LHX4: variants seen among roughly 807,000 people sequenced by gnomAD.
The protein encoded by LHX4 is LIM/homeobox protein Lhx4.
Under a neutral mutation model 39.2 loss-of-function variants are expected in LHX4, and 16 were observed. The ratio of observed to expected loss-of-function variants is 0.41; its 90% CI spans 0.28 to 0.62. The LOEUF is 0.62. Ranked by LOEUF, LHX4 falls within the 20% of genes least tolerant of loss-of-function variation. The pLI, the probability that LHX4 is intolerant of heterozygous loss-of-function variation, is 0.33. For missense variants in LHX4, 439 were observed against 511.9 expected, an observed-to-expected ratio of 0.86 and a Z score of 1.37; for synonymous variants, 206 against 198.1, an observed-to-expected ratio of 1.04 and a Z score of -0.33.
chr1:180,268,451 G>C (rs1648428023), intron 3 of LHX4, among the ~76,000 whole-genome samples: 1 of 152,242 alleles, frequency 6.6e-6, no homozygotes, highest in African/African-American at 2.4e-5. Context: ...TTGCACCACA[G>C]CAGACCTCTG....
In LHX4 at chr1:180,234,220, T is replaced by TATAG; in HGVS notation, c.76+3616_76+3617insTAGA. 1.4e-5 allele frequency among the ~76,000 whole-genome samples: 1 copy of TATAG among 70,208 alleles called. No homozygotes were observed. Among genetic ancestry groups the TATAG allele is most frequent in the African/African-American group, 7.5e-5 (1 of 13,248 alleles). The allele number at this position is 70,208 out of a possible 152,430, so 46.1% of individuals were successfully genotyped here. On this transcript the variant is annotated intron_variant, in intron 1 of 5. Coordinates refer to ENST00000263726, the MANE Select transcript of LHX4 (RefSeq NM_033343.4). The surrounding 1 kb of genome is among the most constrained non-coding windows in gnomAD (Gnocchi z 4.8). ...ATATATATATATATATATATATATA[T>TATAG]AATAGATTGAGATTCTATCATATTC...
chr1:180,234,782 GTCC>G lies in LHX4; in HGVS notation c.76+4178_76+4180del, dbSNP rs1430223243. ...AAGTTTATTTCCTCTCTTGGCCGAG[GTCC>G]GGGCTCGTGGAAAACCAGAGCTAGG... On this transcript the variant is annotated intron_variant, in intron 1 of 5. Transcript: ENST00000263726. This position sits in a 1 kb window ranked among gnomAD's most constrained non-coding sequence, Gnocchi z 4.8. Among the ~76,000 whole-genome samples, 1 of 152,252 alleles carries G rather than the reference GTCC, an allele frequency of 6.6e-6. No individual in the cohort carries two copies. Among genetic ancestry groups the G allele is most frequent in the Non-Finnish European group, 1.5e-5 (1 of 68,036 alleles).
chr1:180,240,099 C>T (rs1286389550), intron 1 of LHX4, among the ~76,000 whole-genome samples: 1 of 152,218 alleles, frequency 6.6e-6, no homozygotes, highest in South Asian at 2.1e-4. Flanking sequence ...AGTTAAAAAG[C>T]AAAAGCCTCA....
intron 1 of LHX4, among the ~76,000 whole-genome samples, chr1:180,231,901 T>A (rs1664192198): frequency 6.6e-6 from 1 of 152,164 alleles, no homozygotes; most frequent in Non-Finnish European, 1.5e-5. Context: ...GAGAAGGGAC[T>A]AGAAAAGAAT....
chr1:180,229,625 G>C (rs986960842), upstream of LHX4, among the ~76,000 whole-genome samples: 3 of 152,100 alleles, frequency 2.0e-5, no homozygotes, highest in African/African-American at 2.4e-5. Flanking sequence ...GGAAAGAGGA[G>C]GAGGAAGATA....
chr1:180,229,861 G>A (rs905559025), upstream of LHX4, among the ~76,000 whole-genome samples: 7 of 151,434 alleles, frequency 4.6e-5, no homozygotes, highest in African/African-American at 1.2e-4. Flanking sequence ...AACCCAGGGC[G>A]CCGCCGTCTC....
Position 180,267,210 on chromosome 1 carries a change from G to T in LHX4, c.451+616G>T, listed in dbSNP as rs943521648. On this transcript the variant is annotated intron_variant, in intron 3 of 5. Transcript: ENST00000263726. ...CCAGATTCAGGGAGGCTCCGTCTCA[G>T]CAATATAGCTCCCTCCACCCACTTC... is the stretch of plus-strand genomic sequence containing the variant. 5.8e-4 allele frequency among the ~76,000 whole-genome samples: 89 copies of T among 152,316 alleles called. 1 individual carries two copies. The highest frequency in any genetic ancestry group is 2.1e-3 in the African/African-American group (89 of 41,582).
chr1:180,266,412 C>G lies in LHX4; in HGVS notation c.269C>G (p.Thr90Arg), dbSNP rs773975101. ...GACAGGCGCTTCGGCACAAAATGCA[C>G]GGCCTGCCAGCAGGGTATCCCCCCA... Reference protein sequence around the residue: ...DFFKRFGTKCTACQQGIPPTQ... With the variant: ...DFFKRFGTKCRACQQGIPPTQ... The change falls in exon 3 of 6, where the codon ACG becomes AGG. Residue 90 changes from threonine to arginine, a missense_variant. Physicochemically the swap from Thr to Arg is moderately conservative, Grantham distance 71 (BLOSUM62 -1). Transcript: ENST00000263726. The surrounding 1 kb of genome is among the most constrained non-coding windows in gnomAD (Gnocchi z 5.7). 19 of 1,614,028 alleles carry G rather than the reference C, an allele frequency of 1.2e-5. No homozygotes were observed. Among genetic ancestry groups the G allele is most frequent in the Non-Finnish European group, 1.4e-5 (17 of 1,180,004 alleles).
intron 2 of LHX4, among the ~76,000 whole-genome samples, chr1:180,262,423 C>T (rs913595511): frequency 5.9e-5 from 9 of 152,088 alleles, no homozygotes; most frequent in African/African-American, 2.2e-4. Context: ...TGGCTTCTGT[C>T]CAAGTGCCTG....
In LHX4 at chr1:180,230,824, G is replaced by A. The variant is rs1454444163; in HGVS notation, c.76+219G>A. Among the ~76,000 whole-genome samples, 1 of 152,190 alleles carries A rather than the reference G, an allele frequency of 6.6e-6. No individual in the cohort carries two copies. The highest frequency in any genetic ancestry group is 1.5e-5 in the Non-Finnish European group (1 of 68,024). ...TGAACGCCTCCTGGATCATGCTTGA[G>A]GCGAGCCGAGTACCGAACCCCGCAT... On this transcript the variant is annotated intron_variant, in intron 1 of 5. Coordinates refer to ENST00000263726, the MANE Select transcript of LHX4 (RefSeq NM_033343.4). This position sits in a 1 kb window ranked among gnomAD's most constrained non-coding sequence, Gnocchi z 5.8.
At position 180,247,486 on chromosome 1, in the gene LHX4, G is replaced by A. The variant is rs1051434800; in HGVS notation, c.77-799G>A. Among the ~76,000 whole-genome samples the A allele has an allele frequency of 5.7e-4, 87 of 152,084 alleles. 1 individual carries two copies. Among genetic ancestry groups the A allele is most frequent in the African/African-American group, 2.0e-3 (82 of 41,402 alleles). On this transcript the variant is annotated intron_variant, in intron 1 of 5. Coordinates refer to ENST00000263726, the MANE Select transcript of LHX4 (RefSeq NM_033343.4). ...CCCACCAAAGCACTTCATCGCCTCCGCCGTGACGCACACCAGCACAATGGG... is the reference window on the plus strand; with the variant it reads ...CCCACCAAAGCACTTCATCGCCTCCACCGTGACGCACACCAGCACAATGGG...
chr1:180,274,543 C>G lies in LHX4; in HGVS notation c.1137C>G (p.Gly379=). The G allele has an allele frequency of 2.5e-6, 4 of 1,596,954 alleles. No homozygotes were observed. Among genetic ancestry groups the G allele is most frequent in the Non-Finnish European group, 3.4e-6 (4 of 1,170,970 alleles). ...ATCCCGACTTTCCAACTAGCCCAGG[C>G]TCTTGGCTCGATGAAATGGATCATC... The part of the protein sequence containing the change: ...VGYPDFPTSP[G]SWLDEMDHPP... Residue 379 remains glycine, a synonymous_variant, in exon 6 of 6, where the codon GGC becomes GGG. Transcript: ENST00000263726.
intron 2 of LHX4, among the ~76,000 whole-genome samples, chr1:180,262,096 G>A (rs1002370330): frequency 4.6e-5 from 7 of 152,038 alleles, no homozygotes; most frequent in African/African-American, 1.7e-4. Flanking sequence ...CATGCAAAAT[G>A]GTTTCCTATA....
At position 180,273,957 on chromosome 1, in the gene LHX4, T is replaced by C. The variant is rs1311012529; in HGVS notation, c.779-228T>C. On this transcript the variant is annotated intron_variant, in intron 5 of 5. Coordinates refer to ENST00000263726, the MANE Select transcript of LHX4 (RefSeq NM_033343.4). ...CTCACCAAACATTTGTCCATCCTTC[T>C]GGGACCTGGGAATTTAGTCTTTGCA... is the stretch of plus-strand genomic sequence containing the variant. 8 of 578,668 alleles carry C rather than the reference T, an allele frequency of 1.4e-5. No individual in the cohort carries two copies. In the East Asian group the frequency reaches 2.4e-4, roughly 17 times the overall value. The allele number at this position is 578,668 out of a possible 1,614,324, so 35.8% of individuals were successfully genotyped here.
chr1:180,255,780 C>A (rs1647830681), intron 2 of LHX4, among the ~76,000 whole-genome samples: 1 of 152,252 alleles, frequency 6.6e-6, no homozygotes, highest in Non-Finnish European at 1.5e-5. Context: ...GGCCACCCTC[C>A]CCGAGTGGGG....
intron 3 of LHX4, chr1:180,270,587 G>A (rs1381671993): frequency 1.3e-5 from 2 of 152,750 alleles, no homozygotes; most frequent in African/African-American, 4.8e-5. Context: ...CTCAAAATCT[G>A]TCTAGGACTT....
rs1558207275 is a variant in LHX4, at chr1:180,234,217, ATAT to A, written c.76+3613_76+3615del. Among the ~76,000 whole-genome samples, 123 of 74,914 alleles carry A rather than the reference ATAT, an allele frequency of 1.6e-3. 3 individuals carry two copies. Among genetic ancestry groups the A allele is most frequent in the Middle Eastern group, 5.7e-3 (1 of 174 alleles). The allele number at this position is 74,914 out of a possible 152,430, so 49.1% of individuals were successfully genotyped here. A position where few individuals can be genotyped will look rare whatever the true frequency, so the allele number is the denominator to read the frequency against. ...TATATATATATATATATATATATAT[ATAT>A]AATAGATTGAGATTCTATCATATTC... On this transcript the variant is annotated intron_variant, in intron 1 of 5. Transcript: ENST00000263726. This position sits in a 1 kb window ranked among gnomAD's most constrained non-coding sequence, Gnocchi z 4.8.
chr1:180,238,880 G>A (rs887409869), intron 1 of LHX4, among the ~76,000 whole-genome samples: 3 of 152,314 alleles, frequency 2.0e-5, no homozygotes, highest in South Asian at 2.1e-4. Flanking sequence ...AAACTGAGTC[G>A]TGGGCCTCAG....
intron 2 of LHX4, among the ~76,000 whole-genome samples, chr1:180,259,883 G>C (rs1457905415): frequency 2.6e-5 from 4 of 151,706 alleles, no homozygotes; most frequent in Non-Finnish European, 2.9e-5. Context: ...CCAATGGTGG[G>C]AGGGTTGGAA....
Sources: allele counts gnomAD v4.1 joint callset (sites outside exome capture counted in the v4.1 genomes callset), GRCh38; gene constraint gnomAD v4.1.1; non-coding constraint Gnocchi (gnomAD v3.1); transcripts MANE v1.5; gene names NCBI Gene and HGNC (gene_info 2026-07-23, HGNC 2026-07-21).